The following MYO3B variants were observed in gnomAD, a reference collection of about 807,000 sequenced individuals.
MYO3B encodes the protein myosin IIIB, also known as myosin-IIIb.
A neutral mutation model predicts 174.6 loss-of-function variants in MYO3B; 156 were observed. The observed-to-expected ratio is 0.89, with a 90% CI of 0.78 to 1.02. The LOEUF (loss-of-function observed/expected upper bound fraction) is 1.02. Ranked by LOEUF, MYO3B falls within the 50% of genes least tolerant of loss-of-function variation. The pLI is 0.00. For synonymous variants in MYO3B, 563 were observed against 569.1 expected (o/e 0.99, Z 0.15); for missense variants, 1,632 against 1,639.4 (o/e 1.00, Z 0.08).
At chr2:170,537,049 A>C (rs1689734659) in intron 30 of MYO3B, among the ~76,000 whole-genome samples, 1 of 151,676 alleles carries the variant, frequency 6.6e-6, no homozygotes, top group Non-Finnish European at 1.5e-5. Context: ...AAAATACAAA[A>C]AATTAGCCGG....
chr2:170,629,388 C>T lies in MYO3B; in HGVS notation c.3734-22240C>T, dbSNP rs191872051. ...ATCTTCCCTGTTATTTTTCCCCCAT[C>T]CCAAGCATCTATAAACTGGCCAGAA... On this transcript the variant is annotated intron_variant, in intron 32 of 34. Transcript: ENST00000408978. 2.3e-3 allele frequency among the ~76,000 whole-genome samples: 353 copies of T among 152,260 alleles called. 3 individuals are homozygous for T. The South Asian group carries it at 0.038, about 16-fold the overall frequency.
chr2:170,188,835 T>C (rs2092503928), intron 1 of MYO3B, among the ~76,000 whole-genome samples: 1 of 152,180 alleles, frequency 6.6e-6, no homozygotes, highest in Non-Finnish European at 1.5e-5. Flanking sequence ...CTGTAGTTAT[T>C]ACTTTTGATC....
At chr2:170,182,565 A>T (rs2092413669) in intron 1 of MYO3B, among the ~76,000 whole-genome samples, 1 of 149,266 alleles carries the variant, frequency 6.7e-6, no homozygotes, top group Non-Finnish European at 1.5e-5. Flanking sequence ...ATGTTCACTA[A>T]TTATTCTTTT....
intron 7 of MYO3B, among the ~76,000 whole-genome samples, chr2:170,299,166 A>G (rs918777439): frequency 6.6e-6 from 1 of 152,136 alleles, no homozygotes; most frequent in African/African-American, 2.4e-5. Context: ...TCATTTATCT[A>G]TTGCTTCCCC....
intron 32 of MYO3B, among the ~76,000 whole-genome samples, chr2:170,637,939 A>T (rs1697650173): frequency 6.6e-6 from 1 of 152,184 alleles, no homozygotes; most frequent in African/African-American, 2.4e-5. Context: ...GAAGATTAAG[A>T]CTGAAAGATC....
intron 30 of MYO3B, among the ~76,000 whole-genome samples, chr2:170,540,909 G>A (rs991035750): frequency 2.6e-5 from 4 of 151,962 alleles, no homozygotes; most frequent in Non-Finnish European, 5.9e-5. Flanking sequence ...TAAAGTTGCC[G>A]GAAAGCCTCT....
In MYO3B at chr2:170,653,407, G is replaced by GC; in HGVS notation, c.*291dup. 2.6e-6 allele frequency: 1 copy of GC among 379,332 alleles called. No homozygotes were observed. The highest frequency in any genetic ancestry group is 4.8e-6 in the Non-Finnish European group (1 of 209,834). The allele number at this position is 379,332 out of a possible 1,614,324, so 23.5% of individuals were successfully genotyped here. A position where few individuals can be genotyped will look rare whatever the true frequency, so the allele number is the denominator to read the frequency against. On this transcript the variant is annotated 3_prime_UTR_variant, in exon 35 of 35. Transcript: ENST00000408978. ...TACAATAGTTTAAACAGTCATTCAT[G>GC]CCCCCAGTGTCTAGGAAGATAACAG...
At chr2:170,620,688 C>A (rs1413041539) in intron 32 of MYO3B, among the ~76,000 whole-genome samples, 1 of 152,234 alleles carries the variant, frequency 6.6e-6, no homozygotes, top group Admixed American at 6.5e-5. Context: ...CCGGGTAGAT[C>A]TGTGCACACA....
rs773548279 is a variant in MYO3B, at chr2:170,466,579, A to G, written c.2882A>G (p.Asp961Gly). 6.8e-6 allele frequency: 11 copies of G among 1,614,058 alleles called. No homozygotes were observed. Reference sequence around the variant, plus strand: ...TTTGTGCGCTGCATTAAACCCAATGATGACCGAGAGGCCCTGCAGTTCTCT... The same window carrying G: ...TTTGTGCGCTGCATTAAACCCAATGGTGACCGAGAGGCCCTGCAGTTCTCT... ...PHFVRCIKPN[D>G]DREALQFSRE... Residue 961 changes from aspartate to glycine, a missense_variant, in exon 25 of 35, where the codon GAT (aspartate) becomes GGT (glycine). Physicochemically the swap from Asp to Gly is moderately conservative, Grantham distance 94. Transcript: ENST00000408978.
At chr2:170,325,356 C>T (rs760808132) in intron 7 of MYO3B, among the ~76,000 whole-genome samples, 13 of 152,056 alleles carry the variant, frequency 8.5e-5, no homozygotes, top group Admixed American at 1.3e-4. Flanking sequence ...TACAGGCACC[C>T]ACCACCATGT....
At chr2:170,573,221 C>T (rs964022534) in intron 32 of MYO3B, among the ~76,000 whole-genome samples, 1 of 89,830 alleles carries the variant, frequency 1.1e-5, no homozygotes, top group Non-Finnish European at 2.2e-5. Flanking sequence ...TATATGTATA[C>T]TGTGTGTATA....
chr2:170,273,903 TG>T (rs941216829), intron 7 of MYO3B, among the ~76,000 whole-genome samples: 3 of 151,922 alleles, frequency 2.0e-5, no homozygotes, highest in Non-Finnish European at 2.9e-5. Context: ...TAAATGGCAG[TG>T]GGGGGGCACC....
At chr2:170,282,805 A>T (rs1289842106) in intron 7 of MYO3B, among the ~76,000 whole-genome samples, 1 of 152,128 alleles carries the variant, frequency 6.6e-6, no homozygotes, top group Non-Finnish European at 1.5e-5. Flanking sequence ...CTTAAAGTGC[A>T]TGCAAACACA....
chr2:170,601,473 C>A (rs1313817527), intron 32 of MYO3B, among the ~76,000 whole-genome samples: 1 of 151,890 alleles, frequency 6.6e-6, no homozygotes, highest in Non-Finnish European at 1.5e-5. Flanking sequence ...GTTAACTGTA[C>A]AAAAAAAGAC....
chr2:170,557,517 G>A (rs1691414744), intron 32 of MYO3B, among the ~76,000 whole-genome samples: 1 of 152,036 alleles, frequency 6.6e-6, no homozygotes, highest in Non-Finnish European at 1.5e-5. Flanking sequence ...TTTCAGAGAG[G>A]GCTGGGAGAT....
intron 1 of MYO3B, among the ~76,000 whole-genome samples, chr2:170,194,115 G>A (rs905767510): frequency 2.0e-5 from 3 of 152,146 alleles, no homozygotes; most frequent in Non-Finnish European, 4.4e-5. Flanking sequence ...AAGGACTCAA[G>A]CTGTTGCATG....
chr2:170,634,550 T>C (rs1404723484), intron 32 of MYO3B, among the ~76,000 whole-genome samples: 1 of 152,182 alleles, frequency 6.6e-6, no homozygotes, highest in Admixed American at 6.5e-5. Flanking sequence ...ATTCAGGACA[T>C]AGGCATGGGC....
intron 14 of MYO3B, among the ~76,000 whole-genome samples, chr2:170,388,826 T>A (rs2094393405): frequency 6.6e-6 from 1 of 152,198 alleles, no homozygotes; most frequent in Non-Finnish European, 1.5e-5. Context: ...AGCATCTTCC[T>A]CTATCATGTA....
At chr2:170,253,661 A>G (rs768721068) in intron 7 of MYO3B, among the ~76,000 whole-genome samples, 12 of 152,142 alleles carry the variant, frequency 7.9e-5, no homozygotes, top group Non-Finnish European at 1.5e-4. Flanking sequence ...ACATTTATAG[A>G]TAAGAAAGAT....
Sources: allele counts gnomAD v4.1 joint callset (sites outside exome capture counted in the v4.1 genomes callset), GRCh38; gene constraint gnomAD v4.1.1; transcripts MANE v1.5; gene names NCBI Gene and HGNC (gene_info 2026-07-23, HGNC 2026-07-21).